TMEM132C: variants seen among roughly 807,000 people sequenced by gnomAD.
TMEM132C encodes the protein protein phosphatase 1, regulatory subunit 152.
A neutral mutation model predicts 61.4 loss-of-function variants in TMEM132C; 29 were observed. That is an observed-to-expected ratio of 0.47 (90% CI 0.35 to 0.64). The LOEUF (loss-of-function observed/expected upper bound fraction) is 0.64, where lower values mean the gene tolerates loss of function less well. Ranked by LOEUF, TMEM132C falls within the 30% of genes least tolerant of loss-of-function variation. TMEM132C has a pLI of 0.00. For missense variants in TMEM132C, 1,408 were observed against 1,476.9 expected, an observed-to-expected ratio of 0.95 and a Z score of 0.76; for synonymous variants, 656 against 633.1, an observed-to-expected ratio of 1.04 and a Z score of -0.54.
At position 128,415,415 on chromosome 12, in the gene TMEM132C, G is replaced by T; in HGVS notation, c.769G>T (p.Asp257Tyr). The change falls in exon 2 of 9, where the codon GAT (aspartate) becomes TAT (tyrosine). Residue 257 changes from aspartate to tyrosine, a missense_variant. By Grantham distance (160) the Asp-to-Tyr change is radical. Coordinates refer to ENST00000435159, the MANE Select transcript of TMEM132C (RefSeq NM_001136103.3). The surrounding 1 kb of genome is among the most constrained non-coding windows in gnomAD (Gnocchi z 5.8). ...GGGCAACGCCATCCGTCCAGGAAAG[G>T]ATGGGCTGGAGGAAACCACGTCCCA... ...RKGNAIRPGK[D>Y]GLEETTSHLQ... is the part of the protein sequence containing the mutation. 1 of 1,551,480 alleles carries T rather than the reference G, an allele frequency of 6.4e-7. No individual in the cohort carries two copies. Among genetic ancestry groups the T allele is most frequent in the Non-Finnish European group, 8.7e-7 (1 of 1,146,808 alleles).
intron 2 of TMEM132C, among the ~76,000 whole-genome samples, chr12:128,492,456 C>T (rs1009316680): frequency 2.6e-5 from 4 of 152,196 alleles, no homozygotes; most frequent in African/African-American, 9.6e-5. Flanking sequence ...ACCTAATTTA[C>T]ACTCCCACCA....
intron 2 of TMEM132C, among the ~76,000 whole-genome samples, chr12:128,519,901 C>T (rs1379061519): frequency 6.6e-6 from 1 of 152,338 alleles, no homozygotes; most frequent in East Asian, 1.9e-4. Context: ...GTCTCTGCCC[C>T]TCTTTGTTTT....
chr12:128,583,483 G>A (rs1430042175), intron 3 of TMEM132C, among the ~76,000 whole-genome samples: 1 of 152,100 alleles, frequency 6.6e-6, no homozygotes, highest in Non-Finnish European at 1.5e-5. Flanking sequence ...TCCGCCTACA[G>A]CAATCATCTC....
chr12:128,349,293 G>A (rs771594780), intron 1 of TMEM132C, among the ~76,000 whole-genome samples: 3 of 152,118 alleles, frequency 2.0e-5, no homozygotes, highest in South Asian at 2.1e-4. Flanking sequence ...GTGAGTTACC[G>A]TGCCCAGCTG....
At chr12:128,515,556 C>T (rs772718004) in intron 2 of TMEM132C, among the ~76,000 whole-genome samples, 6 of 152,130 alleles carry the variant, frequency 3.9e-5, no homozygotes, top group Non-Finnish European at 7.3e-5. Flanking sequence ...ATCTTTGGCT[C>T]GGCACAGTGG....
intron 4 of TMEM132C, among the ~76,000 whole-genome samples, chr12:128,665,620 G>GGCGT (rs553789336): frequency 1.9e-5 from 1 of 53,984 alleles, no homozygotes; most frequent in East Asian, 5.3e-4. Flanking sequence ...CCCAAACACA[G>GGCGT]GCACACACAC....
At chr12:128,344,509 C>T (rs192828154) in intron 1 of TMEM132C, among the ~76,000 whole-genome samples, 13 of 152,250 alleles carry the variant, frequency 8.5e-5, no homozygotes, top group Non-Finnish European at 1.9e-4. Context: ...ATTGCTGTGT[C>T]GTGAGGTAAC....
intron 2 of TMEM132C, among the ~76,000 whole-genome samples, chr12:128,417,928 A>G (rs1421933445): frequency 1.3e-5 from 2 of 152,258 alleles, no homozygotes; most frequent in East Asian, 3.9e-4. Flanking sequence ...TATTTGTAGC[A>G]CAGAGGTTAC....
intron 1 of TMEM132C, among the ~76,000 whole-genome samples, chr12:128,366,418 A>G (rs1041498452): frequency 6.6e-6 from 1 of 152,214 alleles, no homozygotes; most frequent in Non-Finnish European, 1.5e-5. Flanking sequence ...ATGCATCACC[A>G]GAGCATGCAG....
chr12:128,421,105 C>T (rs958193049), intron 2 of TMEM132C, among the ~76,000 whole-genome samples: 11 of 152,074 alleles, frequency 7.2e-5, no homozygotes, highest in African/African-American at 2.7e-4. Context: ...ACCCAACTGG[C>T]GTACATTGTA....
intron 2 of TMEM132C, among the ~76,000 whole-genome samples, chr12:128,428,126 C>A (rs1397242438): frequency 6.6e-6 from 1 of 152,200 alleles, no homozygotes; most frequent in African/African-American, 2.4e-5. Context: ...ATGCAATCCT[C>A]TCAACAACCC....
rs1421967423 is a variant in TMEM132C at position 128,707,792 on chromosome 12, T to C, written c.*1497T>C. 1 of 152,228 alleles carries C rather than the reference T, an allele frequency of 6.6e-6. No individual in the cohort carries two copies. Among genetic ancestry groups the C allele is most frequent in the Admixed American group, 6.5e-5 (1 of 15,288 alleles). 9.4% of individuals were successfully genotyped at this position (152,228 alleles called of 1,614,324 possible). A position where few individuals can be genotyped will look rare whatever the true frequency, so the allele number is the denominator to read the frequency against. The stretch of plus-strand genomic sequence containing the variant: ...CTAAGAAAGGGTCCTTGAAGCCTCC[T>C]AACCTGGGTTGGACCTTTGAAAAAT... On this transcript the variant is annotated 3_prime_UTR_variant, in exon 9 of 9. Transcript: ENST00000435159.
intron 2 of TMEM132C, among the ~76,000 whole-genome samples, chr12:128,475,873 C>T (rs1243132795): frequency 6.6e-6 from 1 of 152,132 alleles, no homozygotes; most frequent in Non-Finnish European, 1.5e-5. Context: ...CCTGCCTGCC[C>T]AGGACCCCAC....
intron 3 of TMEM132C, among the ~76,000 whole-genome samples, chr12:128,545,100 T>C (rs974487745): frequency 2.6e-5 from 4 of 152,140 alleles, no homozygotes; most frequent in South Asian, 4.2e-4. Flanking sequence ...GAATAGGTCG[T>C]TTTTCAGCCC....
intron 1 of TMEM132C, among the ~76,000 whole-genome samples, chr12:128,395,086 T>A (rs1453870117): frequency 1.3e-5 from 2 of 151,688 alleles, no homozygotes; most frequent in East Asian, 3.8e-4. Context: ...CATATAGACA[T>A]ATATACAATC....
chr12:128,359,760 G>T (rs1391375786), intron 1 of TMEM132C, among the ~76,000 whole-genome samples: 1 of 152,144 alleles, frequency 6.6e-6, no homozygotes, highest in Non-Finnish European at 1.5e-5. Context: ...AACACTTTGT[G>T]TCTTTTCTTG....
intron 3 of TMEM132C, among the ~76,000 whole-genome samples, chr12:128,582,514 A>T (rs1423414054): frequency 6.7e-6 from 1 of 150,248 alleles, no homozygotes; most frequent in African/African-American, 2.5e-5. Context: ...TTGTGCTCCC[A>T]TAATTCCCAT....
chr12:128,578,181 G>A (rs922148736), intron 3 of TMEM132C, among the ~76,000 whole-genome samples: 1 of 152,228 alleles, frequency 6.6e-6, no homozygotes, highest in Non-Finnish European at 1.5e-5. Context: ...GAGCCTAAAT[G>A]GCTCCCTTCT....
At chr12:128,466,428 T>C (rs1870739232) in intron 2 of TMEM132C, among the ~76,000 whole-genome samples, 1 of 152,260 alleles carries the variant, frequency 6.6e-6, no homozygotes, top group African/African-American at 2.4e-5. Flanking sequence ...AATTCAACTT[T>C]CTGACTACCT....
Sources: allele counts gnomAD v4.1 joint callset (sites outside exome capture counted in the v4.1 genomes callset), GRCh38; gene constraint gnomAD v4.1.1; non-coding constraint Gnocchi (gnomAD v3.1); transcripts MANE v1.5; gene names NCBI Gene and HGNC (gene_info 2026-07-23, HGNC 2026-07-21).